The following KMT2C variants were observed in gnomAD, a reference collection of about 807,000 sequenced individuals.
KMT2C encodes histone-lysine N-methyltransferase 2C.
In KMT2C, 88 loss-of-function variants were observed where a neutral mutation model predicts 507.9. The ratio of observed to expected loss-of-function variants is 0.17; its 90% CI spans 0.15 to 0.21. The LOEUF (loss-of-function observed/expected upper bound fraction) is 0.21, where lower values mean the gene tolerates loss of function less well. KMT2C is among the 10% of genes least tolerant of loss of function. KMT2C has a pLI of 1.00. For synonymous variants in KMT2C, 2,049 were observed against 2,080.8 expected (o/e 0.98, Z 0.42); for missense variants, 4,954 against 5,957.8 (o/e 0.83, Z 5.55).
chr7:152,338,766 G>A (rs2096962180), intron 2 of KMT2C, among the ~76,000 whole-genome samples: 1 of 152,140 alleles, frequency 6.6e-6, no homozygotes. Flanking sequence ...TCCACCGCCT[G>A]GCAGAGCATC....
At chr7:152,165,588 G>A (rs1282358213) in intron 42 of KMT2C, among the ~76,000 whole-genome samples, 1 of 152,210 alleles carries the variant, frequency 6.6e-6, no homozygotes, top group African/African-American at 2.4e-5. Context: ...GTACATTATT[G>A]TGGTAGCTGT....
intron 14 of KMT2C, among the ~76,000 whole-genome samples, chr7:152,243,678 A>C (rs2095424284): frequency 6.6e-6 from 1 of 152,108 alleles, no homozygotes; most frequent in Non-Finnish European, 1.5e-5. Flanking sequence ...CCCGCTACTC[A>C]GGAGGCTGAG....
chr7:152,246,119 G>A (rs551344211), intron 14 of KMT2C, among the ~76,000 whole-genome samples: 2,711 of 152,168 alleles, frequency 0.018, 28 homozygotes, highest in Non-Finnish European at 0.025. Context: ...TGCAAGTTAT[G>A]GTCCCAGTGC....
chr7:152,396,421 C>A (rs1043534924), intron 1 of KMT2C, among the ~76,000 whole-genome samples: 2 of 152,038 alleles, frequency 1.3e-5, no homozygotes, highest in Non-Finnish European at 2.9e-5. Context: ...TAATATAGTA[C>A]GTGTAAAGCA....
chr7:152,208,965 G>T (rs554386755), intron 23 of KMT2C, among the ~76,000 whole-genome samples: 2 of 149,098 alleles, frequency 1.3e-5, no homozygotes, highest in South Asian at 4.3e-4. Flanking sequence ...CAGGAGTTCC[G>T]TACCAGCCTG....
chr7:152,264,607 T>C lies in KMT2C; in HGVS notation c.1184+431A>G, dbSNP rs2095832838. On this transcript the variant is annotated intron_variant, in intron 8 of 58. Transcript: ENST00000262189. ...CATGACTGATTTTTTGGCTCAACTC[T>C]AATTCTTCTACTTCTGTAGTTAGAC... is the stretch of plus-strand genomic sequence containing the variant. Among the ~76,000 whole-genome samples, 3 of 152,296 alleles carry C rather than the reference T, an allele frequency of 2.0e-5. No individual in the cohort carries two copies. In the East Asian group the frequency reaches 5.8e-4, roughly 29 times the overall value.
chr7:152,366,882 G>T, intron 1 of KMT2C: 1 of 378,682 alleles, frequency 2.6e-6, no homozygotes, highest in South Asian at 3.1e-5. Context: ...GCGCAGCAAG[G>T]GCCAGACGCG....
chr7:152,267,837 C>T (rs1287664699), intron 7 of KMT2C, among the ~76,000 whole-genome samples: 26 of 152,180 alleles, frequency 1.7e-4, no homozygotes, highest in Admixed American at 5.2e-4. Context: ...CCCTTTCCAA[C>T]TGAATCTCAG....
intron 33 of KMT2C, among the ~76,000 whole-genome samples, chr7:152,185,836 T>G (rs111585931): frequency 3.0e-4 from 46 of 152,354 alleles, no homozygotes; most frequent in African/African-American, 1.1e-3. Context: ...AAGTGCTGCC[T>G]TATTAACAAC....
chr7:152,430,171 G>A (rs2097852844), intron 1 of KMT2C, among the ~76,000 whole-genome samples: 1 of 142,460 alleles, frequency 7.0e-6, no homozygotes, highest in Non-Finnish European at 1.5e-5. Flanking sequence ...GAGTGAGACT[G>A]TCTCAAAAAA....
intron 1 of KMT2C, among the ~76,000 whole-genome samples, chr7:152,422,064 G>A (rs564619718): frequency 2.6e-5 from 4 of 152,076 alleles, no homozygotes; most frequent in African/African-American, 4.8e-5. Flanking sequence ...AAAGCACAGC[G>A]TTAGCATATA....
In KMT2C at chr7:152,139,641, G is replaced by A. The variant is rs144570775; in HGVS notation, c.14460+34C>T. On this transcript the variant is annotated intron_variant, in intron 56 of 58. Coordinates refer to ENST00000262189, the MANE Select transcript of KMT2C (RefSeq NM_170606.3). The stretch of plus-strand genomic sequence containing the variant: ...ACGGAGAAAGGGAGAGGATGATGGT[G>A]CTGTGTATACAATCTCGGGGACCAG... 3,472 of 1,353,368 alleles carry A rather than the reference G, an allele frequency of 2.6e-3. 76 individuals carry two copies. The East Asian group carries it at 0.044, about 17-fold the overall frequency. The allele number at this position is 1,353,368 out of a possible 1,614,324, so 83.8% of individuals were successfully genotyped here.
intron 6 of KMT2C, among the ~76,000 whole-genome samples, chr7:152,274,956 G>C (rs916838859): frequency 2.0e-5 from 3 of 152,152 alleles, no homozygotes; most frequent in African/African-American, 7.2e-5. Context: ...TTTTTTGTGA[G>C]TGTGGCTCAT....
At chr7:152,435,505 GCCCCGCCCCCA>G in intron 1 of KMT2C, 110 bp downstream of exon 1, 1 of 349,728 alleles carries the variant, frequency 2.9e-6, no homozygotes, top group Non-Finnish European at 4.0e-6. Context: ...CCGCGGGCCC[GCCCCGCCCCCA>G]CCCCGCCGGG....
Position 152,163,292 on chromosome 7 carries a change from T to A in KMT2C, c.10285A>T (p.Met3429Leu), listed in dbSNP as rs928790838. The A allele has an allele frequency of 1.9e-6, 3 of 1,614,054 alleles. No homozygotes were observed. The highest frequency in any genetic ancestry group is 2.7e-5 in the African/African-American group (2 of 74,926). Residue 3429 changes from methionine to leucine, a missense_variant, in exon 43 of 59, where the codon ATG becomes TTG. This residue lies in a region of KMT2C where 801 missense variants were observed against 751.2 expected (regional missense o/e 1.07). Coordinates refer to ENST00000262189, the MANE Select transcript of KMT2C (RefSeq NM_170606.3). ...VDRQRALQQR[M>L]EMEQHGMVGS... is the part of the protein sequence containing the mutation. The stretch of plus-strand genomic sequence containing the variant: ...ACCATACCATGCTGCTCCATTTCCA[T>A]CCTCTGCTGCAAAGCTCTTTGTCTA...
chr7:152,348,600 A>T (rs1210653626), intron 2 of KMT2C, among the ~76,000 whole-genome samples: 5 of 66,792 alleles, frequency 7.5e-5, no homozygotes, highest in African/African-American at 6.9e-4. Flanking sequence ...ACTCTGTCTT[A>T]AAAAAAAAAA....
intron 1 of KMT2C, among the ~76,000 whole-genome samples, chr7:152,391,543 C>CTTTTTTTTTTTTTTTTTTTTTTTT (rs71198782): frequency 1.0e-5 from 1 of 97,228 alleles, no homozygotes. Flanking sequence ...CATGCCCGGC[C>CTTTTTTTTTTTTTTTTTTTTTTTT]TTTTTTTTTT....
At chr7:152,171,127 TGG>T (rs764358874) in intron 40 of KMT2C, 135 bp downstream of exon 40, 1 of 473,046 alleles carries the variant, frequency 2.1e-6, no homozygotes, top group Non-Finnish European at 3.7e-6. Context: ...CACTGGCAAA[TGG>T]CATATGGTGA....
intron 5 of KMT2C, among the ~76,000 whole-genome samples, chr7:152,310,416 T>C (rs924033564): frequency 1.3e-5 from 2 of 152,062 alleles, no homozygotes; most frequent in Non-Finnish European, 2.9e-5. Context: ...TCTCTACAAA[T>C]TAGCTGGGCG....
Sources: gnomAD v4.1 joint callset for allele counts (sites outside exome capture counted in the v4.1 genomes callset) on GRCh38, gnomAD v4.1.1 for gene constraint, gnomAD v4.1.1 regional missense constraint, MANE v1.5 for transcripts, NCBI Gene and HGNC (gene_info 2026-07-23, HGNC 2026-07-21) for gene names.